IL1RAPL2: variants seen among roughly 807,000 people sequenced by gnomAD.
IL1RAPL2 encodes X-linked interleukin-1 receptor accessory protein-like 2.
Under a neutral mutation model 44.1 loss-of-function variants are expected in IL1RAPL2, and 3 were observed. The observed-to-expected ratio is 0.07, with a 90% CI of 0.03 to 0.18. IL1RAPL2 has a LOEUF of 0.18. Ranked by LOEUF, IL1RAPL2 falls within the 10% of genes least tolerant of loss-of-function variation. IL1RAPL2 has a pLI of 1.00. For missense variants in IL1RAPL2, 391 were observed against 496.4 expected, an observed-to-expected ratio of 0.79 and a Z score of 2.02; for synonymous variants, 181 against 178.8, an observed-to-expected ratio of 1.01 and a Z score of -0.10.
At chrX:104,731,853 G>T (rs753619735) in intron 2 of IL1RAPL2, among the ~76,000 whole-genome samples, 7 of 111,670 alleles carry the variant, frequency 6.3e-5, no homozygotes, top group Middle Eastern at 4.6e-3. Flanking sequence ...AATAATTAAA[G>T]AAATAATTAG....
intron 6 of IL1RAPL2, among the ~76,000 whole-genome samples, chrX:105,619,332 G>T (rs1358481391): frequency 1.8e-5 from 2 of 110,552 alleles, no homozygotes; most frequent in Non-Finnish European, 3.8e-5. Flanking sequence ...CTGATCAAGA[G>T]TCTCTAGTGA....
intron 2 of IL1RAPL2, among the ~76,000 whole-genome samples, chrX:104,815,429 A>G (rs1472445813): frequency 9.0e-6 from 1 of 111,109 alleles, no homozygotes; most frequent in African/African-American, 3.3e-5. Context: ...TCTTCAAAGA[A>G]CCAACTAACT....
At chrX:105,298,308 A>G (rs1323571267) in intron 5 of IL1RAPL2, among the ~76,000 whole-genome samples, 6 of 111,794 alleles carry the variant, frequency 5.4e-5, no homozygotes, top group Non-Finnish European at 7.5e-5. Flanking sequence ...AAATGGTGAC[A>G]GTGAAGATGG....
intron 10 of IL1RAPL2, among the ~76,000 whole-genome samples, chrX:105,761,440 G>C (rs1395521737): frequency 4.5e-5 from 5 of 111,020 alleles, no homozygotes; most frequent in Non-Finnish European, 9.4e-5. Context: ...AACTCAGATA[G>C]TATTTTTAGT....
At chrX:105,005,638 G>C (rs1340783144) in intron 2 of IL1RAPL2, among the ~76,000 whole-genome samples, 1 of 109,959 alleles carries the variant, frequency 9.1e-6, no homozygotes, top group Non-Finnish European at 1.9e-5. Flanking sequence ...AGGCCTACTA[G>C]TTCCCTCTAC....
chrX:105,751,459 G>C (rs1862288027), intron 9 of IL1RAPL2, among the ~76,000 whole-genome samples: 1 of 111,182 alleles, frequency 9.0e-6, no homozygotes, highest in Admixed American at 9.6e-5. Flanking sequence ...ATCAGTTGTA[G>C]TACATATTTG....
chrX:105,498,266 A>G (rs749836594), intron 6 of IL1RAPL2, among the ~76,000 whole-genome samples: 2 of 112,186 alleles, frequency 1.8e-5, no homozygotes, highest in East Asian at 5.6e-4. Context: ...TGATCCACAA[A>G]TAAAATTGAG....
At chrX:105,051,260 C>G (rs370333906) in intron 2 of IL1RAPL2, among the ~76,000 whole-genome samples, 1 of 110,987 alleles carries the variant, frequency 9.0e-6, no homozygotes, top group East Asian at 2.9e-4. Context: ...GGCCAGGCAG[C>G]GGAGCAGACA....
rs1199203278 is a variant in IL1RAPL2, at chrX:104,863,935, T to G, written c.82+204940T>G. Among the ~76,000 whole-genome samples, 3 of 112,094 alleles carry G rather than the reference T, an allele frequency of 2.7e-5. No individual in the cohort carries two copies. In the Admixed American group the frequency reaches 2.8e-4, roughly 11 times the overall value. ...AAATGATTATTGTCTTCAGCCATTT[T>G]CTCATCCTGGGAGGCAGAGCTTGTC... On this transcript the variant is annotated intron_variant, in intron 2 of 10. Coordinates refer to ENST00000372582, the MANE Select transcript of IL1RAPL2 (RefSeq NM_017416.2).
intron 5 of IL1RAPL2, among the ~76,000 whole-genome samples, chrX:105,365,253 C>A: frequency 9.0e-6 from 1 of 111,517 alleles, no homozygotes; most frequent in Middle Eastern, 4.7e-3. Context: ...ATAGATCCTG[C>A]TTGATCATGG....
chrX:104,569,276 T>G (rs1323821723), intron 1 of IL1RAPL2, among the ~76,000 whole-genome samples: 1 of 112,334 alleles, frequency 8.9e-6, no homozygotes, highest in Non-Finnish European at 1.9e-5. Flanking sequence ...TCTGCGGGGC[T>G]TCTACCACTT....
intron 5 of IL1RAPL2, among the ~76,000 whole-genome samples, chrX:105,459,114 C>A (rs1018021491): frequency 8.9e-6 from 1 of 111,894 alleles, no homozygotes; most frequent in Non-Finnish European, 1.9e-5. Context: ...TTGACTTTGG[C>A]AGATTTTTGC....
intron 2 of IL1RAPL2, among the ~76,000 whole-genome samples, chrX:104,936,288 T>C (rs983719617): frequency 3.6e-5 from 4 of 111,674 alleles, no homozygotes; most frequent in African/African-American, 1.3e-4. Context: ...GAACTCAATT[T>C]AGTGTTTTGC....
chrX:104,665,242 G>A (rs1210850899), intron 2 of IL1RAPL2, among the ~76,000 whole-genome samples: 3 of 110,375 alleles, frequency 2.7e-5, no homozygotes, highest in African/African-American at 9.8e-5. Context: ...CTTCTACCTG[G>A]TCTCACACAT....
chrX:104,824,882 T>C (rs1313477300), intron 2 of IL1RAPL2, among the ~76,000 whole-genome samples: 1 of 111,945 alleles, frequency 8.9e-6, no homozygotes, highest in Non-Finnish European at 1.9e-5. Flanking sequence ...CTCTACCTCA[T>C]TCAGTTCTGC....
At chrX:105,159,348 G>C (rs968156787) in intron 2 of IL1RAPL2, among the ~76,000 whole-genome samples, 3 of 112,103 alleles carry the variant, frequency 2.7e-5, no homozygotes, top group Non-Finnish European at 5.6e-5. Flanking sequence ...AGATTGAGAA[G>C]CCAAGCAAAC....
At chrX:104,609,218 T>C (rs1207860337) in intron 1 of IL1RAPL2, among the ~76,000 whole-genome samples, 1 of 112,340 alleles carries the variant, frequency 8.9e-6, no homozygotes, top group Non-Finnish European at 1.9e-5. Flanking sequence ...TGCAGAGTGA[T>C]CTGCTGTTAG....
chrX:105,293,727 T>C (rs2034633502), intron 5 of IL1RAPL2, among the ~76,000 whole-genome samples: 1 of 111,367 alleles, frequency 9.0e-6, no homozygotes, highest in Admixed American at 9.6e-5. Flanking sequence ...ACAGATAATC[T>C]TTCAATTTCT....
intron 5 of IL1RAPL2, among the ~76,000 whole-genome samples, chrX:105,462,908 C>CCAT (rs773021075): frequency 1.8e-4 from 20 of 111,080 alleles, no homozygotes; most frequent in Non-Finnish European, 2.1e-4. Flanking sequence ...CTTCTAATCT[C>CCAT]CATCTGCAGT....
Sources: gnomAD v4.1 joint callset for allele counts (sites outside exome capture counted in the v4.1 genomes callset) on GRCh38, gnomAD v4.1.1 for gene constraint, MANE v1.5 for transcripts, NCBI Gene and HGNC (gene_info 2026-07-23, HGNC 2026-07-21) for gene names.